PLEKHA4: variants seen among roughly 807,000 people sequenced by gnomAD.
PLEKHA4 encodes the protein pleckstrin homology domain containing A4, also known as pleckstrin homology domain-containing family A member 4.
PLEKHA4 carries 73 observed loss-of-function variants against 94.7 expected under a neutral mutation model. The ratio of observed to expected loss-of-function variants is 0.77; its 90% CI spans 0.64 to 0.94. The LOEUF is 0.94. Ranked by LOEUF, PLEKHA4 falls within the 40% of genes least tolerant of loss-of-function variation. The probability of loss-of-function intolerance (pLI) is 0.00; values close to 1 mark genes in which losing one functional copy is unlikely to be tolerated. For synonymous variants in PLEKHA4, 449 were observed against 437.1 expected (o/e 1.03, Z -0.34); for missense variants, 1,049 against 1,054.1 (o/e 1.00, Z 0.07).
intron 13 of PLEKHA4, 45 bp downstream of exon 13, chr19:48,852,183 C>T: frequency 1.4e-6 from 2 of 1,453,640 alleles, no homozygotes; most frequent in South Asian, 1.1e-5. Flanking sequence ...CCAGGCAGAA[C>T]TTGGAGTTGG....
chr19:48,860,451 G>T lies in PLEKHA4; in HGVS notation c.375C>A (p.His125Gln). The change falls in exon 6 of 20, where the codon CAC (histidine) becomes CAA (glutamine). Residue 125 changes from histidine to glutamine, a missense_variant. Coordinates refer to ENST00000263265, the MANE Select transcript of PLEKHA4 (RefSeq NM_020904.3). ...RGRRFTFTAE[H>Q]PGMRTYVLAA... ...CCAAAACGTAGGTCCTCATGCCCGG[G>T]TGCTCTGCCTGCGGGAAGAGAAGGC... 6.2e-7 allele frequency: 1 copy of T among 1,613,836 alleles called. No homozygotes were observed. Among genetic ancestry groups the T allele is most frequent in the Non-Finnish European group, 8.5e-7 (1 of 1,179,780 alleles).
At chr19:48,857,757 A>T (rs1284561221) in intron 8 of PLEKHA4, among the ~76,000 whole-genome samples, 2 of 150,876 alleles carry the variant, frequency 1.3e-5, no homozygotes, top group African/African-American at 2.4e-5. Flanking sequence ...AATCTCAAGT[A>T]CCCAGGGACA....
intron 14 of PLEKHA4, among the ~76,000 whole-genome samples, 168 bp downstream of exon 14, chr19:48,847,731 CA>C (rs1210022428): frequency 6.6e-6 from 1 of 151,762 alleles, no homozygotes; most frequent in Non-Finnish European, 1.5e-5. Context: ...GACTACGTCT[CA>C]AAAAAACCCC....
At position 48,837,981 on chromosome 19, in the gene PLEKHA4, C is replaced by T; in HGVS notation, c.2077+36G>A. On this transcript the variant is annotated intron_variant, in intron 19 of 19. Transcript: ENST00000263265. This position sits in a 1 kb window ranked among gnomAD's most constrained non-coding sequence, Gnocchi z 4.3. ...TTCCAGGTCTCCAGCTCTCTCCTCC[C>T]TAAAACCCAGAAGTCCAACATCCCC... is the stretch of plus-strand genomic sequence containing the variant. The T allele has an allele frequency of 1.3e-6, 2 of 1,555,206 alleles. No individual in the cohort carries two copies. Among genetic ancestry groups the T allele is most frequent in the Non-Finnish European group, 1.8e-6 (2 of 1,128,940 alleles).
At chr19:48,857,594 C>A in intron 8 of PLEKHA4, 98 bp from the exon 9 acceptor site, 1 of 717,954 alleles carries the variant, frequency 1.4e-6, no homozygotes, top group Admixed American at 2.4e-5. Flanking sequence ...GCCTTGGGAT[C>A]CTGTTGATCT....
chr19:48,844,398 G>T, intron 16 of PLEKHA4: 1 of 918,336 alleles, frequency 1.1e-6, no homozygotes, highest in Non-Finnish European at 1.3e-6. Flanking sequence ...CAAGTGATCT[G>T]CCTGCCTCGG....
At chr19:48,853,495 T>TC (rs1298891926) in intron 12 of PLEKHA4, among the ~76,000 whole-genome samples, 187 bp downstream of exon 12, 1 of 108,570 alleles carries the variant, frequency 9.2e-6, no homozygotes, top group Non-Finnish European at 1.7e-5. Flanking sequence ...CAAGACTCTG[T>TC]CCCCCCCAAA....
In PLEKHA4 at chr19:48,837,211, C is replaced by A. The variant is rs1256987635; in HGVS notation, c.*78G>T. 3.1e-6 allele frequency: 5 copies of A among 1,603,568 alleles called. No homozygotes were observed. Among genetic ancestry groups the A allele is most frequent in the Non-Finnish European group, 3.4e-6 (4 of 1,171,222 alleles). On this transcript the variant is annotated 3_prime_UTR_variant, in exon 20 of 20. Coordinates refer to ENST00000263265, the MANE Select transcript of PLEKHA4 (RefSeq NM_020904.3). The surrounding 1 kb of genome is among the most constrained non-coding windows in gnomAD (Gnocchi z 4.3). ...GGGGACCAGACCACGCCCCCTGATG[C>A]CCTGAGTGGTCCCAGATCTCCGGCG...
At chr19:48,852,447 G>C (rs1303851575) in intron 12 of PLEKHA4, 121 bp from the exon 13 acceptor site, 1 of 707,826 alleles carries the variant, frequency 1.4e-6, no homozygotes, top group Non-Finnish European at 2.4e-6. Flanking sequence ...CCCTGCAGGC[G>C]TATGGACTAC....
chr19:48,846,478 G>A (rs950290237), intron 14 of PLEKHA4, among the ~76,000 whole-genome samples: 2 of 151,104 alleles, frequency 1.3e-5, no homozygotes, highest in East Asian at 2.0e-4. Context: ...CAAAACAAAC[G>A]TTTTAGGCTG....
Position 48,852,392 on chromosome 19 carries a change from T to A in PLEKHA4, c.1327-66A>T, listed in dbSNP as rs780297308. The stretch of plus-strand genomic sequence containing the variant: ...TCCCACCAGATCCTTCCCCACCCCA[T>A]CATTTGTCAGCTAAGGAGGAGATAA... On this transcript the variant is annotated intron_variant, in intron 12 of 19. Transcript: ENST00000263265. 1.8e-5 allele frequency: 22 copies of A among 1,250,874 alleles called. 1 individual carries two copies. Among genetic ancestry groups the A allele is most frequent in the African/African-American group, 4.4e-5 (3 of 67,828 alleles). 77.5% of individuals were successfully genotyped at this position (1,250,874 alleles called of 1,614,324 possible).
intron 3 of PLEKHA4, among the ~76,000 whole-genome samples, chr19:48,864,591 C>T (rs2036765888): frequency 6.6e-6 from 1 of 152,108 alleles, no homozygotes; most frequent in African/African-American, 2.4e-5. Context: ...GACAGGGTCT[C>T]ACTCTGTCAC....
At chr19:48,851,161 A>G (rs1020245764) in intron 13 of PLEKHA4, among the ~76,000 whole-genome samples, 1 of 152,068 alleles carries the variant, frequency 6.6e-6, no homozygotes, top group Non-Finnish European at 1.5e-5. Flanking sequence ...AAAAAATAAA[A>G]GAGTATAATG....
In PLEKHA4 at chr19:48,865,521, TC is replaced by T. The variant is rs2036798313; in HGVS notation, c.173del (p.Arg58GlnfsTer39). 1.2e-6 allele frequency: 2 copies of T among 1,613,872 alleles called. No individual in the cohort carries two copies. The highest frequency in any genetic ancestry group is 2.7e-5 in the African/African-American group (2 of 74,888). ...RRDPNLPVHI[R>X]GWLHKQDSSG... ...ACCCCACCTGCTTATGAAGCCAGCC[TC>T]GGATGTGCACGGGAAGGTTGGGATC... On this transcript the variant is annotated frameshift_variant, in exon 3 of 20. Transcript: ENST00000263265. LOFTEE classifies it high-confidence loss of function.
chr19:48,861,559 AG>A, intron 4 of PLEKHA4, 58 bp from the exon 5 acceptor site: 2 of 1,612,448 alleles, frequency 1.2e-6, no homozygotes, highest in Non-Finnish European at 1.7e-6. Context: ...AAGATGCTAG[AG>A]AGAAGGGCAG....
rs371463529 is a variant in PLEKHA4, at chr19:48,865,626, G to A, written c.85-16C>T. 34 of 1,566,822 alleles carry A rather than the reference G, an allele frequency of 2.2e-5. No individual in the cohort carries two copies. The highest frequency in any genetic ancestry group is 1.7e-4 in the Middle Eastern group (1 of 5,982). ...GGGTGGGCTTCTGAGGAGAGAAGGGGACAGAAGTGAACAGGGAGAGCCTAG... is the reference window on the plus strand; with the variant it reads ...GGGTGGGCTTCTGAGGAGAGAAGGGAACAGAAGTGAACAGGGAGAGCCTAG... On this transcript the variant is annotated splice_polypyrimidine_tract_variant and intron_variant, in intron 2 of 19. Coordinates refer to ENST00000263265, the MANE Select transcript of PLEKHA4 (RefSeq NM_020904.3).
rs149314364 is a variant in PLEKHA4 at position 48,847,901 on chromosome 19, T to A, written c.1565A>T (p.Glu522Val). The change falls in exon 14 of 20, where the codon GAG (glutamate) becomes GTG (valine). Residue 522 changes from glutamate to valine, a missense_variant and splice_region_variant. Glu to Val is a moderately radical substitution (Grantham distance 121). Transcript: ENST00000263265. ...VLQGEESSER[E>V]SLPESLELSS... ...GGGGAGGAATTATGTGCGTCTTACC[T>A]CCCTCTCTGAGGACTCCTCGCCCTG... The A allele has an allele frequency of 1.7e-5, 26 of 1,560,872 alleles. No individual in the cohort carries two copies. The African/African-American group carries it at 3.3e-4, about 20-fold the overall frequency.
intron 3 of PLEKHA4, among the ~76,000 whole-genome samples, chr19:48,864,718 G>A (rs2036770757): frequency 6.6e-6 from 1 of 151,794 alleles, no homozygotes; most frequent in South Asian, 2.1e-4. Context: ...ACACCACCAC[G>A]CTCAGCTAGG....
rs201263085 is a variant in PLEKHA4, at chr19:48,845,401, C to T, written c.1712G>A (p.Arg571His). 189 of 1,613,314 alleles carry T rather than the reference C, an allele frequency of 1.2e-4. 1 individual carries two copies. The highest frequency in any genetic ancestry group is 8.9e-4 in the East Asian group (40 of 44,862). The stretch of plus-strand genomic sequence containing the variant: ...TCCTAGCTGTGGGGAAGGGAGGTGG[C>T]GACCCTCAGGGCTGGAAGCCCGGGA... ...RVSRASSPEG[R>H]HLPSPQLGTK... is the part of the protein sequence containing the mutation. The change falls in exon 16 of 20, where the codon CGC becomes CAC. Residue 571 changes from arginine to histidine, a missense_variant. Coordinates refer to ENST00000263265, the MANE Select transcript of PLEKHA4 (RefSeq NM_020904.3).
Sources: gnomAD v4.1 joint callset for allele counts (sites outside exome capture counted in the v4.1 genomes callset) on GRCh38, gnomAD v4.1.1 for gene constraint, Gnocchi (gnomAD v3.1) non-coding constraint, MANE v1.5 for transcripts, NCBI Gene and HGNC (gene_info 2026-07-23, HGNC 2026-07-21) for gene names.